The following C16orf96 variants were observed in gnomAD, a reference collection of about 807,000 sequenced individuals.
The protein encoded by C16orf96 is uncharacterized protein C16orf96.
A neutral mutation model predicts 103.6 loss-of-function variants in C16orf96; 108 were observed. That is an observed-to-expected ratio of 1.04 (90% CI 0.89 to 1.22). The LOEUF is 1.22. C16orf96 is among the 50% of genes most tolerant of loss of function. The pLI, the probability that C16orf96 is intolerant of heterozygous loss-of-function variation, is 0.00. For synonymous variants in C16orf96, 566 were observed against 593.5 expected, an observed-to-expected ratio of 0.95 and a Z score of 0.67; for missense variants, 1,586 against 1,464.2, an observed-to-expected ratio of 1.08 and a Z score of -1.36.
intron 1 of C16orf96, among the ~76,000 whole-genome samples, chr16:4,564,878 T>C (rs1451785622): frequency 2.0e-5 from 3 of 152,144 alleles, no homozygotes; most frequent in Admixed American, 2.0e-4. Context: ...CTTAAAGGTG[T>C]GGAAGACACT....
intron 14 of C16orf96, among the ~76,000 whole-genome samples, chr16:4,597,233 G>C (rs1198145273): frequency 2.0e-5 from 3 of 152,162 alleles, no homozygotes; most frequent in Non-Finnish European, 2.9e-5. Context: ...GAGGGCTCAG[G>C]CTGGGCGTCA....
Position 4,556,736 on chromosome 16 carries a change from C to G in C16orf96, c.247C>G (p.His83Asp), listed in dbSNP as rs1431712850. The G allele has an allele frequency of 1.3e-6, 2 of 1,551,614 alleles. No homozygotes were observed. Among genetic ancestry groups the G allele is most frequent in the East Asian group, 4.9e-5 (2 of 40,904 alleles). Residue 83 changes from histidine (H) to aspartate (D), a missense_variant, in exon 1 of 16, where the codon CAC becomes GAC. Physicochemically the swap from His to Asp is moderately conservative, Grantham distance 81 (BLOSUM62 -1). Transcript: ENST00000444310. ...GAAGAGGCTCAGCAATGTCTTCGAC[C>G]ACGTGGTGAGCCGCCTCGACAAGTT... Reference protein sequence around the residue: ...PMKRLSNVFDHVVSRLDKLEN... With the variant: ...PMKRLSNVFDDVVSRLDKLEN...
intron 1 of C16orf96, among the ~76,000 whole-genome samples, chr16:4,570,810 A>G (rs2059429817): frequency 6.6e-6 from 1 of 152,092 alleles, no homozygotes; most frequent in African/African-American, 2.4e-5. Context: ...TTCTCCCTAC[A>G]GCAAGCAATA....
chr16:4,556,615 C>G lies in C16orf96; in HGVS notation c.126C>G (p.Leu42=). The change falls in exon 1 of 16, where the codon CTC becomes CTG. Residue 42 remains leucine, a synonymous_variant. Coordinates refer to ENST00000444310, the MANE Select transcript of C16orf96 (RefSeq NM_001145011.2). ...TGGAGCACATCCACATGGCCGAGCT[C>G]AAGAAAGTCCTCTCAGGCGATGAGG... ...GILEHIHMAE[L]KKVLSGDEDF... 6.4e-7 allele frequency: 1 copy of G among 1,551,718 alleles called. No homozygotes were observed. The highest frequency in any genetic ancestry group is 8.7e-7 in the Non-Finnish European group (1 of 1,147,012).
At position 4,600,721 on chromosome 16, in the gene C16orf96, T is replaced by C; in HGVS notation, c.*404T>C. The stretch of plus-strand genomic sequence containing the variant: ...ACAAACAGCACAGTGCACATTCTCA[T>C]TCTACATTGTCATATAAACACAGCT... On this transcript the variant is annotated 3_prime_UTR_variant, in exon 16 of 16. Transcript: ENST00000444310. The C allele has an allele frequency of 1.6e-5, 3 of 187,798 alleles. No homozygotes were observed. The South Asian group carries it at 3.0e-4, about 19-fold the overall frequency. The allele number at this position is 187,798 out of a possible 1,614,324, so 11.6% of individuals were successfully genotyped here. A position where few individuals can be genotyped will look rare whatever the true frequency, so the allele number is the denominator to read the frequency against.
chr16:4,577,131 C>T (rs187127316), intron 5 of C16orf96, among the ~76,000 whole-genome samples: 129 of 152,060 alleles, frequency 8.5e-4, no homozygotes, highest in African/African-American at 2.9e-3. Flanking sequence ...GCAGAGGTTG[C>T]GGTGAGCCAA....
chr16:4,571,298 G>A (rs1200437597), intron 1 of C16orf96, among the ~76,000 whole-genome samples: 2 of 152,150 alleles, frequency 1.3e-5, no homozygotes, highest in East Asian at 3.8e-4. Context: ...AGAAGAAAGG[G>A]CGTGAGATGC....
At chr16:4,598,791 T>C (rs1310922246) in intron 14 of C16orf96, among the ~76,000 whole-genome samples, 2 of 152,120 alleles carry the variant, frequency 1.3e-5, no homozygotes, top group African/African-American at 4.8e-5. Context: ...GAGCCTTCTT[T>C]TCTTTCTTAG....
intron 7 of C16orf96, among the ~76,000 whole-genome samples, chr16:4,580,931 C>G (rs1304804623): frequency 6.6e-6 from 1 of 151,232 alleles, no homozygotes; most frequent in African/African-American, 2.4e-5. Context: ...TCGAGACCAG[C>G]CTGACCAACA....
chr16:4,575,116 C>G (rs1266834474), intron 4 of C16orf96, 58 bp downstream of exon 4: 2 of 1,549,044 alleles, frequency 1.3e-6, no homozygotes, highest in Non-Finnish European at 8.7e-7. Flanking sequence ...GGGTGGCTGA[C>G]TGAGAGTGGG....
chr16:4,569,940 A>G (rs868319461), intron 1 of C16orf96, among the ~76,000 whole-genome samples: 3 of 152,108 alleles, frequency 2.0e-5, no homozygotes, highest in Non-Finnish European at 2.9e-5. Context: ...ACTTCTTCCC[A>G]GGAAGGTGCC....
At chr16:4,579,694 C>A (rs1460072869) in intron 6 of C16orf96, among the ~76,000 whole-genome samples, 2 of 151,010 alleles carry the variant, frequency 1.3e-5, no homozygotes, top group African/African-American at 4.9e-5. Flanking sequence ...TCGCTGCAAC[C>A]TCTGCCTCCT....
the C16orf96 span, among the ~76,000 whole-genome samples, chr16:4,549,916 T>C: frequency 2.0e-5 from 3 of 152,172 alleles, no homozygotes; most frequent in Non-Finnish European, 2.9e-5. Context: ...GGAGCAGATG[T>C]TGGCGCTGTG....
chr16:4,596,979 C>T (rs992416569), intron 14 of C16orf96, among the ~76,000 whole-genome samples: 1 of 152,174 alleles, frequency 6.6e-6, no homozygotes, highest in African/African-American at 2.4e-5. Flanking sequence ...TTGTGCCCGA[C>T]CTAACCCAGG....
intron 1 of C16orf96, among the ~76,000 whole-genome samples, chr16:4,563,447 G>A (rs1045823754): frequency 1.3e-5 from 2 of 152,186 alleles, no homozygotes; most frequent in African/African-American, 2.4e-5. Context: ...TAGAGACAGG[G>A]TGTTGCCATG....
the C16orf96 span, among the ~76,000 whole-genome samples, chr16:4,549,056 T>A: frequency 6.6e-6 from 1 of 152,040 alleles, no homozygotes. Flanking sequence ...TTTAGTTCTT[T>A]TAGGCCAGAG....
intron 1 of C16orf96, among the ~76,000 whole-genome samples, chr16:4,558,284 G>A (rs2059288634): frequency 6.6e-6 from 1 of 152,210 alleles, no homozygotes; most frequent in Non-Finnish European, 1.5e-5. Context: ...CCAGCACGTG[G>A]ACAGTGTTCA....
At chr16:4,588,809 C>G (rs921670602) in intron 9 of C16orf96, among the ~76,000 whole-genome samples, 1 of 149,676 alleles carries the variant, frequency 6.7e-6, no homozygotes, top group Non-Finnish European at 1.5e-5. Flanking sequence ...GAACACTGAG[C>G]CTCAGAGAGG....
intron 1 of C16orf96, among the ~76,000 whole-genome samples, chr16:4,564,320 G>T (rs948952561): frequency 6.6e-6 from 1 of 152,108 alleles, no homozygotes; most frequent in Non-Finnish European, 1.5e-5. Flanking sequence ...ATATGTGCAC[G>T]CAGCTTCTGC....
Sources: gnomAD v4.1 joint callset for allele counts (sites outside exome capture counted in the v4.1 genomes callset) on GRCh38, gnomAD v4.1.1 for gene constraint, MANE v1.5 for transcripts, NCBI Gene and HGNC (gene_info 2026-07-23, HGNC 2026-07-21) for gene names.